The following NME7 variants were observed in gnomAD, a reference collection of about 807,000 sequenced individuals.
The protein encoded by NME7 is nucleoside diphosphate kinase 7.
In NME7, 41 loss-of-function variants were observed where a neutral mutation model predicts 49.1. The observed-to-expected ratio is 0.83, with a 90% CI of 0.65 to 1.08. The LOEUF is 1.08. Ranked by LOEUF, NME7 falls within the 50% of genes least tolerant of loss-of-function variation. The pLI is 0.00. For missense variants in NME7, 423 were observed against 463.4 expected (o/e 0.91, Z 0.80); for synonymous variants, 139 against 150.6 (o/e 0.92, Z 0.56).
At position 169,203,583 on chromosome 1, in the gene NME7, T is replaced by C. The variant is rs2101782124; in HGVS notation, c.990+27135A>G. ...AAATCAAAAGGTAAAGCAGAGGACA[T>C]AAAAGCCCTCTGTGCTCAGTCTCCG... On this transcript the variant is annotated intron_variant, in intron 10 of 11. Transcript: ENST00000367811. 2.0e-5 allele frequency among the ~76,000 whole-genome samples: 3 copies of C among 152,208 alleles called. No individual in the cohort carries two copies. The South Asian group carries it at 6.2e-4, about 32-fold the overall frequency.
At chr1:169,294,875 A>AT (rs1650646663) in intron 6 of NME7, among the ~76,000 whole-genome samples, 1 of 152,176 alleles carries the variant, frequency 6.6e-6, no homozygotes, top group African/African-American at 2.4e-5. Flanking sequence ...TCACGTTGAA[A>AT]TTTGATCCCC....
chr1:169,215,277 G>A (rs1275302362), intron 10 of NME7, among the ~76,000 whole-genome samples: 2 of 152,110 alleles, frequency 1.3e-5, no homozygotes, highest in African/African-American at 4.8e-5. Flanking sequence ...CCCCTCTACT[G>A]GCTGAGTCTG....
intron 10 of NME7, among the ~76,000 whole-genome samples, chr1:169,226,549 C>T (rs375229239): frequency 6.6e-6 from 1 of 152,168 alleles, no homozygotes; most frequent in South Asian, 2.1e-4. Context: ...TTGAAAACCC[C>T]CATCAAAGGC....
chr1:169,198,054 G>C (rs1342984243), intron 10 of NME7, among the ~76,000 whole-genome samples: 1 of 151,822 alleles, frequency 6.6e-6, no homozygotes, highest in African/African-American at 2.4e-5. Flanking sequence ...GAACTGAATA[G>C]GTATTTCTCC....
chr1:169,295,948 G>A (rs767412825), intron 6 of NME7, among the ~76,000 whole-genome samples: 2 of 152,140 alleles, frequency 1.3e-5, no homozygotes, highest in South Asian at 2.1e-4. Flanking sequence ...ACGAGTACCT[G>A]AGAGGCACAC....
chr1:169,160,675 A>C (rs1162863379), intron 11 of NME7, among the ~76,000 whole-genome samples: 1 of 152,050 alleles, frequency 6.6e-6, no homozygotes, highest in Non-Finnish European at 1.5e-5. Context: ...AATGATACAC[A>C]ACTTGATATA....
At chr1:169,280,163 T>C (rs1649945709) in intron 7 of NME7, among the ~76,000 whole-genome samples, 1 of 152,188 alleles carries the variant, frequency 6.6e-6, no homozygotes, top group Non-Finnish European at 1.5e-5. Flanking sequence ...ATCTAACTGG[T>C]GTAAGATGGT....
chr1:169,341,768 T>TA (rs953092226), intron 1 of NME7, among the ~76,000 whole-genome samples: 23 of 151,898 alleles, frequency 1.5e-4, no homozygotes, highest in African/African-American at 5.3e-4. Context: ...TTTAATGAAT[T>TA]AAAAAAAAAT....
intron 10 of NME7, among the ~76,000 whole-genome samples, chr1:169,181,126 CTATCTATT>C (rs201471318): frequency 0.071 from 7,253 of 102,182 alleles, 194 homozygotes; most frequent in East Asian, 0.17. Flanking sequence ...GGCTATAATC[CTATCTATT>C]TATCTATCTA....
rs763379227 is a variant in NME7, at chr1:169,303,244, CTT to C, written c.390-51_390-50del. 2.2e-5 allele frequency: 21 copies of C among 975,660 alleles called. 1 individual carries two copies. Among genetic ancestry groups the C allele is most frequent in the African/African-American group, 2.1e-4 (12 of 57,594 alleles). 60.4% of individuals were successfully genotyped at this position (975,660 alleles called of 1,614,324 possible). On this transcript the variant is annotated intron_variant, in intron 4 of 11. Transcript: ENST00000367811. ...TAGTTAAGAATTATAAAATTAAACA[CTT>C]ATTATTTTAGCTTACATTAATAAAA...
At chr1:169,204,414 A>G (rs965924499) in intron 10 of NME7, among the ~76,000 whole-genome samples, 3 of 151,910 alleles carry the variant, frequency 2.0e-5, no homozygotes, top group Non-Finnish European at 4.4e-5. Flanking sequence ...CCTTGGACTC[A>G]TTATGATGCT....
chr1:169,300,060 A>G lies in NME7; in HGVS notation c.441-1297T>C, dbSNP rs114389047. Among the ~76,000 whole-genome samples, 293 of 152,262 alleles carry G rather than the reference A, an allele frequency of 1.9e-3. 4 individuals are homozygous for G. The highest frequency in any genetic ancestry group is 6.8e-3 in the African/African-American group (284 of 41,564). ...GCCTATGAATATGGCATGTAACAAT[A>G]TAGGGAAGGATGTGCCTGATCATAG... On this transcript the variant is annotated intron_variant, in intron 5 of 11. Transcript: ENST00000367811.
chr1:169,148,052 G>A (rs1469710751), intron 11 of NME7, among the ~76,000 whole-genome samples: 2 of 151,796 alleles, frequency 1.3e-5, no homozygotes, highest in African/African-American at 4.8e-5. Context: ...GCCCAGGCTG[G>A]AGTGCAGTGC....
chr1:169,302,420 T>C (rs1463758151), intron 5 of NME7: 1 of 152,118 alleles, frequency 6.6e-6, no homozygotes, highest in Non-Finnish European at 1.5e-5. Flanking sequence ...AATACCATGC[T>C]GCAATAAAAA....
chr1:169,142,390 T>C (rs1246857743), intron 11 of NME7, among the ~76,000 whole-genome samples: 1 of 152,214 alleles, frequency 6.6e-6, no homozygotes, highest in African/African-American at 2.4e-5. Context: ...AGGAATTAAT[T>C]TCTCCATTTC....
chr1:169,162,604 G>A (rs954931908), intron 11 of NME7, among the ~76,000 whole-genome samples: 3 of 152,076 alleles, frequency 2.0e-5, no homozygotes, highest in Non-Finnish European at 2.9e-5. Context: ...AAAACGGTGG[G>A]AGGCTAAGGC....
At chr1:169,134,683 T>C (rs2101801629) in intron 11 of NME7, among the ~76,000 whole-genome samples, 1 of 152,302 alleles carries the variant, frequency 6.6e-6, no homozygotes, top group East Asian at 1.9e-4. Context: ...ATTTTTAAAC[T>C]GGTTTTCATT....
intron 10 of NME7, among the ~76,000 whole-genome samples, chr1:169,191,448 C>G (rs923371438): frequency 6.6e-6 from 1 of 152,096 alleles, no homozygotes; most frequent in Non-Finnish European, 1.5e-5. Flanking sequence ...AATGTGATAC[C>G]TATAGAATCT....
rs1466026503 is a variant in NME7, at chr1:169,273,571, A to G, written c.754+13732T>C. On this transcript the variant is annotated intron_variant, in intron 7 of 11. Transcript: ENST00000367811. ...GGTGTGCTGCACCCATTGACTCGTC[A>G]TTTAGCATTAGGTATATCTCCTAAT... is the stretch of plus-strand genomic sequence containing the variant. Among the ~76,000 whole-genome samples the G allele has an allele frequency of 3.8e-5, 5 of 130,996 alleles. 1 individual carries two copies. The highest frequency in any genetic ancestry group is 1.3e-4 in the African/African-American group (5 of 38,656). The allele number at this position is 130,996 out of a possible 152,430, so 85.9% of individuals were successfully genotyped here. A position where few individuals can be genotyped will look rare whatever the true frequency, so the allele number is the denominator to read the frequency against.
Sources: gnomAD v4.1 joint callset for allele counts (sites outside exome capture counted in the v4.1 genomes callset) on GRCh38, gnomAD v4.1.1 for gene constraint, MANE v1.5 for transcripts, NCBI Gene and HGNC (gene_info 2026-07-23, HGNC 2026-07-21) for gene names.